RSPO4: variants seen among roughly 807,000 people sequenced by gnomAD.
RSPO4 encodes the protein R-spondin-4.
Under a neutral mutation model 24.8 loss-of-function variants are expected in RSPO4, and 23 were observed. That is an observed-to-expected ratio of 0.93 (90% confidence interval 0.67 to 1.31). The LOEUF (loss-of-function observed/expected upper bound fraction) is 1.31. Among genes scored for constraint, RSPO4 ranks in the 40% most tolerant of loss-of-function variants. The probability of loss-of-function intolerance (pLI) is 0.00; values close to 1 mark genes in which losing one functional copy is unlikely to be tolerated. For synonymous variants in RSPO4, 141 were observed against 127.4 expected, an observed-to-expected ratio of 1.11 and a Z score of -0.72; for missense variants, 333 against 316.5, an observed-to-expected ratio of 1.05 and a Z score of -0.39.
chr20:994,274 T>G (rs2122271112), intron 1 of RSPO4, among the ~76,000 whole-genome samples: 1 of 152,020 alleles, frequency 6.6e-6, no homozygotes, highest in East Asian at 1.9e-4. Flanking sequence ...GAGATGTAGG[T>G]GAGGAGTGTG....
At chr20:993,669 T>C (rs2122269819) in intron 1 of RSPO4, among the ~76,000 whole-genome samples, 1 of 152,306 alleles carries the variant, frequency 6.6e-6, no homozygotes. Context: ...TGGAATCAAT[T>C]GTCTGGATGG....
At chr20:979,582 C>T (rs1246541772) in intron 1 of RSPO4, among the ~76,000 whole-genome samples, 1 of 151,826 alleles carries the variant, frequency 6.6e-6, no homozygotes, top group Non-Finnish European at 1.5e-5. Flanking sequence ...GCACTCCTCC[C>T]AGAGCACGCA....
At chr20:980,933 C>A (rs897360929) in intron 1 of RSPO4, among the ~76,000 whole-genome samples, 5 of 152,140 alleles carry the variant, frequency 3.3e-5, no homozygotes, top group African/African-American at 1.2e-4. Flanking sequence ...AATATGCACA[C>A]AAAGGGATTT....
At chr20:963,843 C>T (rs1984084214) in intron 4 of RSPO4, 92 bp downstream of exon 4, 2 of 1,319,986 alleles carry the variant, frequency 1.5e-6, no homozygotes, top group African/African-American at 1.4e-5. Context: ...CAGGCAGTCT[C>T]ATAGATACTA....
intron 1 of RSPO4, among the ~76,000 whole-genome samples, chr20:989,782 T>C (rs912438352): frequency 5.3e-5 from 8 of 152,220 alleles, no homozygotes; most frequent in African/African-American, 1.9e-4. Context: ...AGTTATAACC[T>C]GGATTCTGGG....
chr20:963,909 C>T, intron 4 of RSPO4, 26 bp downstream of exon 4: 1 of 1,611,860 alleles, frequency 6.2e-7, no homozygotes, highest in Non-Finnish European at 8.5e-7. Context: ...CCCACCGCAG[C>T]CTCGTGTGCC....
chr20:977,190 A>G (rs1984592314), intron 1 of RSPO4, among the ~76,000 whole-genome samples: 2 of 152,168 alleles, frequency 1.3e-5, no homozygotes. Flanking sequence ...GCTGGGCCTT[A>G]CCCTAGAGTT....
intron 1 of RSPO4, among the ~76,000 whole-genome samples, chr20:986,042 T>C (rs567047210): frequency 6.6e-6 from 1 of 152,346 alleles, no homozygotes; most frequent in East Asian, 1.9e-4. Context: ...AAGTGGACAT[T>C]GAAGGAGGCT....
At chr20:992,347 G>C (rs558301371) in intron 1 of RSPO4, among the ~76,000 whole-genome samples, 15 of 147,846 alleles carry the variant, frequency 1.0e-4, no homozygotes, top group Non-Finnish European at 1.6e-4. Context: ...AGTGAACAGA[G>C]ACTCAGAGAG....
chr20:977,283 G>C (rs2122233055), intron 1 of RSPO4, among the ~76,000 whole-genome samples: 1 of 152,300 alleles, frequency 6.6e-6, no homozygotes, highest in South Asian at 2.1e-4. Context: ...GCTGGTCCTG[G>C]GCCCACACTT....
chr20:962,935 G>A (rs752105055), intron 4 of RSPO4, among the ~76,000 whole-genome samples: 10 of 152,154 alleles, frequency 6.6e-5, no homozygotes, highest in East Asian at 1.9e-4. Context: ...AACACCTACC[G>A]CATAGCATCA....
intron 1 of RSPO4, 97 bp downstream of exon 1, chr20:1,001,989 C>T (rs1239329711): frequency 6.9e-6 from 7 of 1,018,446 alleles, no homozygotes; most frequent in Admixed American, 2.1e-5. Context: ...GCGCCAGGCA[C>T]CAGGCAGATG....
intron 4 of RSPO4, among the ~76,000 whole-genome samples, chr20:962,220 G>C (rs73892580): frequency 0.015 from 2,344 of 152,226 alleles, 74 homozygotes; most frequent in African/African-American, 0.052. Context: ...TTTCAGAAGG[G>C]TGCAAGTGCT....
At chr20:966,534 G>A (rs1984203639) in intron 3 of RSPO4, among the ~76,000 whole-genome samples, 2 of 152,106 alleles carry the variant, frequency 1.3e-5, no homozygotes, top group South Asian at 4.2e-4. Context: ...GTAAGGTTTA[G>A]AGCTAGGATT....
chr20:969,233 CT>C (rs1162155500), intron 1 of RSPO4, among the ~76,000 whole-genome samples: 2 of 152,244 alleles, frequency 1.3e-5, no homozygotes, highest in Non-Finnish European at 2.9e-5. Flanking sequence ...GGAGGATCGC[CT>C]GAGCGGGGAA....
At chr20:984,904 TCCATCCATCCATCCATCC>T (rs1452485373) in intron 1 of RSPO4, among the ~76,000 whole-genome samples, 8 of 124,012 alleles carry the variant, frequency 6.5e-5, no homozygotes, top group African/African-American at 2.6e-4. Context: ...TCCATCCCCA[TCCATCCATCCATCCATCC>T]CCATCCATCC....
At position 960,207 on chromosome 20, in the gene RSPO4, A is replaced by G; in HGVS notation, c.*150T>C. The G allele has an allele frequency of 1.6e-6, 1 of 622,522 alleles. No individual in the cohort carries two copies. Among genetic ancestry groups the G allele is most frequent in the Admixed American group, 2.7e-5 (1 of 36,522 alleles). 38.6% of individuals were successfully genotyped at this position (622,522 alleles called of 1,614,324 possible). A position where few individuals can be genotyped will look rare whatever the true frequency, so the allele number is the denominator to read the frequency against. On this transcript the variant is annotated 3_prime_UTR_variant, in exon 5 of 5. Transcript: ENST00000217260. ...TAAAAAAGAAAAAGAAAGGGAAGGT[A>G]GACTGACAGAAAAATGATAGAAGGG...
Position 1,002,235 on chromosome 20 carries a change from G to C in RSPO4, c.-71C>G. On this transcript the variant is annotated 5_prime_UTR_variant, in exon 1 of 5. Transcript: ENST00000217260. The surrounding 1 kb of genome is among the most constrained non-coding windows in gnomAD (Gnocchi z 4.6). Reference sequence around the variant, plus strand: ...CCCAAGGGCCCCACGTCCCGGCGGCGGCACGGCGGGCGCGGGGGCTGCTGT... The same window carrying C: ...CCCAAGGGCCCCACGTCCCGGCGGCCGCACGGCGGGCGCGGGGGCTGCTGT... 9.0e-6 allele frequency: 10 copies of C among 1,113,404 alleles called. No homozygotes were observed. Among genetic ancestry groups the C allele is most frequent in the Non-Finnish European group, 1.2e-5 (10 of 860,620 alleles). 69.0% of individuals were successfully genotyped at this position (1,113,404 alleles called of 1,614,324 possible).
intron 1 of RSPO4, among the ~76,000 whole-genome samples, chr20:980,228 T>C (rs1052433821): frequency 3.3e-5 from 5 of 152,094 alleles, no homozygotes; most frequent in Non-Finnish European, 7.4e-5. Context: ...ACCTGAGGGT[T>C]ATCCTCAGGT....
Sources: gnomAD v4.1 joint callset for allele counts (sites outside exome capture counted in the v4.1 genomes callset) on GRCh38, gnomAD v4.1.1 for gene constraint, Gnocchi (gnomAD v3.1) non-coding constraint, MANE v1.5 for transcripts, NCBI Gene and HGNC (gene_info 2026-07-23, HGNC 2026-07-21) for gene names.